The following DNHD1 variants were observed in gnomAD, a reference collection of about 807,000 sequenced individuals.
DNHD1 encodes the protein dynein heavy chain domain-containing protein 1.
A neutral mutation model predicts 458.1 loss-of-function variants in DNHD1; 383 were observed. That is an observed-to-expected ratio of 0.84 (90% CI 0.77 to 0.91). DNHD1 has a LOEUF of 0.91. Among genes scored for constraint, DNHD1 ranks in the 40% least tolerant of loss-of-function variants. The pLI, the probability that DNHD1 is intolerant of heterozygous loss-of-function variation, is 0.00. For missense variants in DNHD1, 5,336 were observed against 5,866.1 expected, an observed-to-expected ratio of 0.91 and a Z score of 2.95; for synonymous variants, 2,203 against 2,376.9, an observed-to-expected ratio of 0.93 and a Z score of 2.13.
intron 14 of DNHD1, among the ~76,000 whole-genome samples, chr11:6,535,897 C>T (rs1210711657): frequency 6.6e-6 from 1 of 151,726 alleles, no homozygotes; most frequent in Non-Finnish European, 1.5e-5. Context: ...CCAGAGATCA[C>T]TTATTTGTTG....
At chr11:6,516,652 G>C (rs1308902217) in intron 7 of DNHD1, among the ~76,000 whole-genome samples, 1 of 151,950 alleles carries the variant, frequency 6.6e-6, no homozygotes, top group Non-Finnish European at 1.5e-5. Context: ...TATGTTTGCT[G>C]TCTCTCTCCC....
intron 14 of DNHD1, among the ~76,000 whole-genome samples, chr11:6,534,425 C>T (rs779307125): frequency 7.9e-5 from 12 of 151,956 alleles, no homozygotes; most frequent in Admixed American, 2.0e-4. Flanking sequence ...AGTGAATGTT[C>T]CATCAGAATG....
At chr11:6,539,781 T>G in intron 17 of DNHD1, 95 bp from the exon 18 acceptor site, 1 of 1,186,754 alleles carries the variant, frequency 8.4e-7, no homozygotes, top group Middle Eastern at 1.9e-4. Context: ...CCCTGGCCCT[T>G]GAGTTCTGCC....
chr11:6,571,343 T>C lies in DNHD1; in HGVS notation c.13831T>C (p.Phe4611Leu), dbSNP rs1235764206. ...GGACCAGAATGTGCCCAGCTCGAAT[T>C]TCCCTGGTAGCCGAGGCTCGGTCTC... The part of the protein sequence containing the change: ...ALDQNVPSSN[F>L]PGSRGSVSSQ... The change falls in exon 42 of 43, where the codon TTC becomes CTC. Residue 4611 changes from phenylalanine (F) to leucine (L), a missense_variant. Around this residue, in one of 4 missense-constraint regions of DNHD1, gnomAD observed 698 missense variants for 664.9 expected, o/e 1.05. Coordinates refer to ENST00000254579, the MANE Select transcript of DNHD1 (RefSeq NM_144666.3). This position sits in a 1 kb window ranked among gnomAD's most constrained non-coding sequence, Gnocchi z 5.0. 1.8e-5 allele frequency: 29 copies of C among 1,612,612 alleles called. No homozygotes were observed. The highest frequency in any genetic ancestry group is 2.4e-5 in the Non-Finnish European group (28 of 1,179,552).
Position 6,498,400 on chromosome 11 carries a change from T to C in DNHD1, c.185T>C (p.Leu62Pro). 2 of 1,614,230 alleles carry C rather than the reference T, an allele frequency of 1.2e-6. No homozygotes were observed. Among genetic ancestry groups the C allele is most frequent in the South Asian group, 1.1e-5 (1 of 91,082 alleles). The change falls in exon 3 of 43, where the codon CTA becomes CCA. Residue 62 changes from leucine (L) to proline (P), a missense_variant. Leu to Pro is a moderately conservative substitution (Grantham distance 98, BLOSUM62 -3). Around this residue, in one of 4 missense-constraint regions of DNHD1, gnomAD observed 3,932 missense variants for 4,365.6 expected, o/e 0.90. Coordinates refer to ENST00000254579, the MANE Select transcript of DNHD1 (RefSeq NM_144666.3). ...CAGCCCACAGTGCTGGAACTCCTGC[T>C]AGCTGAGCTCCGAACTCTGTTCTCA... ...SEQPTVLELL[L>P]AELRTLFSAV...
At chr11:6,500,010 G>A (rs1852103822) in intron 3 of DNHD1, among the ~76,000 whole-genome samples, 1 of 150,562 alleles carries the variant, frequency 6.6e-6, no homozygotes, top group South Asian at 2.1e-4. Context: ...TGTCGCCCAG[G>A]CTAGAGTGCA....
chr11:6,523,814 C>G (rs1251207513), intron 10 of DNHD1, among the ~76,000 whole-genome samples: 1 of 152,010 alleles, frequency 6.6e-6, no homozygotes, highest in African/African-American at 2.4e-5. Flanking sequence ...TAGTGAGACC[C>G]TGTCTCTACA....
At position 6,528,626 on chromosome 11, in the gene DNHD1, G is replaced by T. The variant is rs1399621412; in HGVS notation, c.1942G>T (p.Val648Leu). The part of the protein sequence containing the change: ...SIFCGPNVGL[V>L]WPWKSHPIAG... ...CTTCTGTGGCCCGAATGTGGGATTG[G>T]TGTGGCCCTGGAAGTCTCACCCAAT... The change falls in exon 11 of 43, where the codon GTG becomes TTG. Residue 648 changes from valine to leucine, a missense_variant. Physicochemically the swap from Val to Leu is conservative, Grantham distance 32. Coordinates refer to ENST00000254579, the MANE Select transcript of DNHD1 (RefSeq NM_144666.3). The T allele has an allele frequency of 4.5e-6, 7 of 1,551,740 alleles. No individual in the cohort carries two copies. The highest frequency in any genetic ancestry group is 6.1e-6 in the Non-Finnish European group (7 of 1,146,998).
At position 6,568,802 on chromosome 11, in the gene DNHD1, C is replaced by T; in HGVS notation, c.12799C>T (p.Leu4267Phe). The stretch of plus-strand genomic sequence containing the variant: ...CACCCAGGCACTACCTCTGCTCCTC[C>T]TCCATGGCCTCCTGCTACACCGGCA... ...PPTQALPLLL[L>F]HGLLLHRQLY... Residue 4267 changes from leucine (L) to phenylalanine (F), a missense_variant, in exon 39 of 43, where the codon CTC (leucine) becomes TTC (phenylalanine). This residue lies in a region of DNHD1 where 698 missense variants were observed against 664.9 expected (regional missense o/e 1.05). Coordinates refer to ENST00000254579, the MANE Select transcript of DNHD1 (RefSeq NM_144666.3). 6.2e-7 allele frequency: 1 copy of T among 1,613,430 alleles called. No individual in the cohort carries two copies.
chr11:6,567,392 A>G lies in DNHD1; in HGVS notation c.11883A>G (p.Leu3961=). 6.2e-7 allele frequency: 1 copy of G among 1,613,794 alleles called. No individual in the cohort carries two copies. Among genetic ancestry groups the G allele is most frequent in the Non-Finnish European group, 8.5e-7 (1 of 1,179,782 alleles). The change falls in exon 36 of 43, where the codon CTA becomes CTG. Residue 3961 remains leucine (L), a synonymous_variant. Transcript: ENST00000254579. ...AAAGACTGGCACTCTGGCCTGGACTAGCAGCCTCTCCCAGCACAGTCCACA... is the reference window on the plus strand; with the variant it reads ...AAAGACTGGCACTCTGGCCTGGACTGGCAGCCTCTCCCAGCACAGTCCACA... ...ELERLALWPG[L]AASPSTVHSK...
Position 6,559,043 on chromosome 11 carries a change from TC to T in DNHD1, c.9355del (p.Leu3119TrpfsTer5). On this transcript the variant is annotated frameshift_variant, in exon 27 of 43. Coordinates refer to ENST00000254579, the MANE Select transcript of DNHD1 (RefSeq NM_144666.3). LOFTEE classifies it high-confidence loss of function. ...GTCACCCCCAAGACCTTCCTAGACTTCCTGGACACTTTCCTGATGCTGCAGC... is the reference window on the plus strand; with the variant it reads ...GTCACCCCCAAGACCTTCCTAGACTTCTGGACACTTTCCTGATGCTGCAGC... Reference protein sequence around the residue: ...PLVTPKTFLDFLDTFLMLQQQ... With the variant: ...PLVTPKTFLDXLDTFLMLQQQ... 1 of 1,551,628 alleles carries T rather than the reference TC, an allele frequency of 6.4e-7. No individual in the cohort carries two copies. Among genetic ancestry groups the T allele is most frequent in the Non-Finnish European group, 8.7e-7 (1 of 1,146,960 alleles).
At chr11:6,538,872 C>A in intron 16 of DNHD1, 62 bp downstream of exon 16, 2 of 1,384,670 alleles carry the variant, frequency 1.4e-6, no homozygotes, top group Non-Finnish European at 1.9e-6. Flanking sequence ...AGCGATGCAG[C>A]AACTCAGTTT....
intron 18 of DNHD1, among the ~76,000 whole-genome samples, chr11:6,543,470 T>C (rs970986645): frequency 7.2e-5 from 11 of 152,112 alleles, no homozygotes; most frequent in South Asian, 4.1e-4. Flanking sequence ...CATTCAGCCC[T>C]CTTCCCGGGC....
intron 13 of DNHD1, 142 bp from the exon 14 acceptor site, chr11:6,533,539 A>ATCTC: frequency 9.4e-7 from 1 of 1,064,144 alleles, no homozygotes; most frequent in Non-Finnish European, 1.3e-6. Flanking sequence ...CTCAGGAGAG[A>ATCTC]TTGCCCCTGA....
rs897927716 is a variant in DNHD1, at chr11:6,505,331, G to A, written c.920+2405G>A. On this transcript the variant is annotated intron_variant, in intron 4 of 42. Transcript: ENST00000254579. This position sits in a 1 kb window ranked among gnomAD's most constrained non-coding sequence, Gnocchi z 4.4. ...GCGATCTTGGCTCACTTTAATCTCC[G>A]CATCTCCGCCTCCCAGGTTCAAGCG... is the stretch of plus-strand genomic sequence containing the variant. 2.0e-5 allele frequency among the ~76,000 whole-genome samples: 3 copies of A among 151,598 alleles called. No individual in the cohort carries two copies. The highest frequency in any genetic ancestry group is 6.6e-5 in the Admixed American group (1 of 15,236).
At position 6,551,158 on chromosome 11, in the gene DNHD1, A is replaced by G. The variant is rs554120626; in HGVS notation, c.7387+2225A>G. Among the ~76,000 whole-genome samples, 14 of 152,230 alleles carry G rather than the reference A, an allele frequency of 9.2e-5. No individual in the cohort carries two copies. The East Asian group carries it at 2.5e-3, about 27-fold the overall frequency. On this transcript the variant is annotated intron_variant, in intron 24 of 42. Coordinates refer to ENST00000254579, the MANE Select transcript of DNHD1 (RefSeq NM_144666.3). Reference sequence around the variant, plus strand: ...AACATTTTAAATAATATTTTATCTGACCATAACAATACAAATATTGATAAG... The same window carrying G: ...AACATTTTAAATAATATTTTATCTGGCCATAACAATACAAATATTGATAAG...
At chr11:6,564,975 T>C (rs1044953628) in intron 32 of DNHD1, among the ~76,000 whole-genome samples, 171 bp downstream of exon 32, 1 of 152,200 alleles carries the variant, frequency 6.6e-6, no homozygotes, top group African/African-American at 2.4e-5. Context: ...ATTTTTTCTC[T>C]TTATTACAAT....
Position 6,539,972 on chromosome 11 carries a change from A to G in DNHD1, c.3517A>G (p.Ile1173Val). 1.9e-6 allele frequency: 3 copies of G among 1,551,678 alleles called. No homozygotes were observed. Among genetic ancestry groups the G allele is most frequent in the South Asian group, 1.2e-5 (1 of 84,062 alleles). The change falls in exon 18 of 43, where the codon ATC becomes GTC. Residue 1173 changes from isoleucine (I) to valine (V), a missense_variant. By Grantham distance (29) the Ile-to-Val change is conservative. Transcript: ENST00000254579. ...GCGCCAGCTGCGCCTGCTCAACTTC[A>G]TCCTGCATGTACCCTACGAGCCCCC... ...EARQLRLLNF[I>V]LHVPYEPPAS...
Position 6,548,147 on chromosome 11 carries a change from G to A in DNHD1, c.6906-63G>A. ...TGTTAGGGTATGGTGGAGTGTGTGA[G>A]TGTGTCATAAATGGAAGTGTTGTAA... is the stretch of plus-strand genomic sequence containing the variant. On this transcript the variant is annotated intron_variant, in intron 22 of 42. Coordinates refer to ENST00000254579, the MANE Select transcript of DNHD1 (RefSeq NM_144666.3). This position sits in a 1 kb window ranked among gnomAD's most constrained non-coding sequence, Gnocchi z 4.4. 3 of 1,544,830 alleles carry A rather than the reference G, an allele frequency of 1.9e-6. No individual in the cohort carries two copies. The highest frequency in any genetic ancestry group is 2.6e-6 in the Non-Finnish European group (3 of 1,140,992).
Sources: gnomAD v4.1 joint callset for allele counts (sites outside exome capture counted in the v4.1 genomes callset) on GRCh38, gnomAD v4.1.1 for gene constraint, gnomAD v4.1.1 regional missense constraint, Gnocchi (gnomAD v3.1) non-coding constraint, MANE v1.5 for transcripts, NCBI Gene and HGNC (gene_info 2026-07-23, HGNC 2026-07-21) for gene names.